The following SORCS2 variants were observed in gnomAD, a reference collection of about 807,000 sequenced individuals.
SORCS2 encodes sortilin related VPS10 domain containing receptor 2.
Under a neutral mutation model 141.6 loss-of-function variants are expected in SORCS2, and 100 were observed. The observed-to-expected ratio is 0.71, with a 90% CI of 0.60 to 0.83. SORCS2 has a LOEUF of 0.83. SORCS2 is among the 40% of genes least tolerant of loss of function. The pLI, the probability that SORCS2 is intolerant of heterozygous loss-of-function variation, is 0.00. For missense variants in SORCS2, 1,646 were observed against 1,560.2 expected (o/e 1.05, Z -0.93); for synonymous variants, 789 against 676.9 (o/e 1.17, Z -2.57).
In SORCS2 at chr4:7,588,148, G is replaced by A. The variant is rs16840543; in HGVS notation, c.649-50180G>A. Among the ~76,000 whole-genome samples the A allele has an allele frequency of 5.7e-3, 873 of 152,242 alleles. 9 individuals are homozygous for A. The highest frequency in any genetic ancestry group is 0.019 in the African/African-American group (808 of 41,532). On this transcript the variant is annotated intron_variant, in intron 3 of 26. Coordinates refer to ENST00000507866, the MANE Select transcript of SORCS2 (RefSeq NM_020777.3). ...CTGGGTCCCTCTGAATAAGCAAATGGCTTGTTAACCAGAACATCTTCTGCG... is the reference window on the plus strand; with the variant it reads ...CTGGGTCCCTCTGAATAAGCAAATGACTTGTTAACCAGAACATCTTCTGCG...
intron 14 of SORCS2, among the ~76,000 whole-genome samples, chr4:7,705,906 G>A (rs116013144): frequency 0.013 from 1,997 of 152,382 alleles, 43 homozygotes; most frequent in African/African-American, 0.045. Flanking sequence ...GGAGGCCACG[G>A]GAGGACAGCT....
intron 1 of SORCS2, among the ~76,000 whole-genome samples, chr4:7,382,525 G>A (rs568302728): frequency 1.3e-5 from 2 of 152,264 alleles, no homozygotes; most frequent in South Asian, 2.1e-4. Flanking sequence ...AGGCCTTATT[G>A]ACTCCATAGA....
intron 2 of SORCS2, among the ~76,000 whole-genome samples, chr4:7,409,462 G>A (rs1355665372): frequency 6.6e-6 from 1 of 152,226 alleles, no homozygotes; most frequent in Admixed American, 6.5e-5. Context: ...AAATTACAGA[G>A]CAGAGTTTTC....
At chr4:7,402,901 A>G (rs1479170630) in intron 2 of SORCS2, among the ~76,000 whole-genome samples, 1 of 151,508 alleles carries the variant, frequency 6.6e-6, no homozygotes, top group African/African-American at 2.4e-5. Flanking sequence ...GTCTTTTTAC[A>G]TTGGGTTGCT....
At chr4:7,725,028 G>T in intron 19 of SORCS2, 126 bp from the exon 20 acceptor site, 1 of 1,024,152 alleles carries the variant, frequency 9.8e-7, no homozygotes, top group East Asian at 2.4e-5. Context: ...TGGTGGTGGT[G>T]ATGATAGTGG....
chr4:7,724,672 G>A (rs1375025480), intron 19 of SORCS2, among the ~76,000 whole-genome samples: 10 of 143,852 alleles, frequency 7.0e-5, no homozygotes, highest in Admixed American at 2.0e-4. Context: ...GGTGATAATG[G>A]TGGTAGTGGT....
At chr4:7,264,228 G>A (rs1452885318) in intron 1 of SORCS2, among the ~76,000 whole-genome samples, 1 of 152,244 alleles carries the variant, frequency 6.6e-6, no homozygotes, top group Non-Finnish European at 1.5e-5. Flanking sequence ...AGTCATCAGA[G>A]GGCAGGTATT....
intron 2 of SORCS2, among the ~76,000 whole-genome samples, chr4:7,412,404 T>G (rs941666562): frequency 1.3e-5 from 2 of 152,190 alleles, no homozygotes; most frequent in Non-Finnish European, 2.9e-5. Context: ...TCTGACAGTG[T>G]GCAGGGGGGT....
chr4:7,650,734 A>AGCCCC (rs1491404518), intron 4 of SORCS2, among the ~76,000 whole-genome samples: 25 of 42,048 alleles, frequency 5.9e-4, no homozygotes, highest in East Asian at 3.8e-3. Context: ...CGCCCAGCCC[A>AGCCCC]GCCCAGCCCA....
intron 2 of SORCS2, among the ~76,000 whole-genome samples, chr4:7,455,758 G>A (rs1728867603): frequency 6.6e-6 from 1 of 151,568 alleles, no homozygotes; most frequent in South Asian, 2.1e-4. Context: ...CTTGGGGTCA[G>A]GCTCCGTGTT....
intron 2 of SORCS2, among the ~76,000 whole-genome samples, chr4:7,523,611 C>T (rs886869314): frequency 1.3e-5 from 2 of 152,134 alleles, no homozygotes; most frequent in African/African-American, 4.8e-5. Context: ...CCTCCCTCTG[C>T]TCAGTCCACC....
In SORCS2 at chr4:7,741,092, T is replaced by A. The variant is rs1162151438; in HGVS notation, c.*828T>A. 3.0e-5 allele frequency: 12 copies of A among 398,620 alleles called. No individual in the cohort carries two copies. Among genetic ancestry groups the A allele is most frequent in the Non-Finnish European group, 5.3e-5 (12 of 226,192 alleles). The allele number at this position is 398,620 out of a possible 1,614,324, so 24.7% of individuals were successfully genotyped here. On this transcript the variant is annotated 3_prime_UTR_variant, in exon 27 of 27. Coordinates refer to ENST00000507866, the MANE Select transcript of SORCS2 (RefSeq NM_020777.3). The stretch of plus-strand genomic sequence containing the variant: ...CATCCCGCAGGCTTCTCCCACCTGA[T>A]GGCTGTTCTCCCACCGGGTCTGGGC...
intron 5 of SORCS2, 101 bp from the exon 6 acceptor site, chr4:7,661,399 A>C (rs1722155186): frequency 7.7e-7 from 1 of 1,297,274 alleles, no homozygotes; most frequent in African/African-American, 1.5e-5. Flanking sequence ...GGGCGGCTTC[A>C]GAACCAGGGA....
intron 2 of SORCS2, among the ~76,000 whole-genome samples, chr4:7,489,346 G>C (rs186331276): frequency 2.0e-5 from 3 of 152,320 alleles, no homozygotes; most frequent in Admixed American, 1.3e-4. Flanking sequence ...TGGCTGCGTC[G>C]TCGCTGGTGC....
chr4:7,410,245 G>T (rs1351547276), intron 2 of SORCS2, among the ~76,000 whole-genome samples: 3 of 152,230 alleles, frequency 2.0e-5, no homozygotes, highest in African/African-American at 7.2e-5. Context: ...AGATAACGCT[G>T]AGAGTTCATA....
At chr4:7,704,106 G>A (rs951049259) in intron 13 of SORCS2, 71 bp from the exon 14 acceptor site, 371 of 1,438,254 alleles carry the variant, frequency 2.6e-4, no homozygotes, top group South Asian at 3.5e-4. Context: ...AGCTGGACCC[G>A]CCGGGCAGAG....
Position 7,741,681 on chromosome 4 carries a change from G to T in SORCS2, c.*1417G>T, listed in dbSNP as rs1712691184. ...GGATGGTGATGCGCTGGCTGGGGGT[G>T]AATCCCAATGAGGGTCCCTCTCAGA... On this transcript the variant is annotated 3_prime_UTR_variant, in exon 27 of 27. Transcript: ENST00000507866. 1 of 163,942 alleles carries T rather than the reference G, an allele frequency of 6.1e-6. No homozygotes were observed. The highest frequency in any genetic ancestry group is 6.5e-5 in the Admixed American group (1 of 15,450). 10.2% of individuals were successfully genotyped at this position (163,942 alleles called of 1,614,324 possible).
In SORCS2 at chr4:7,612,392, G is replaced by A. The variant is rs531100832; in HGVS notation, c.649-25936G>A. 5.9e-5 allele frequency among the ~76,000 whole-genome samples: 9 copies of A among 152,290 alleles called. No individual in the cohort carries two copies. In the South Asian group the frequency reaches 1.2e-3, roughly 21 times the overall value. On this transcript the variant is annotated intron_variant, in intron 3 of 26. Coordinates refer to ENST00000507866, the MANE Select transcript of SORCS2 (RefSeq NM_020777.3). ...TCCCAGGCACCCTGCCGTGCCCTCC[G>A]GCTGCCTGCTCCCTCGGTCCTTCTG...
intron 3 of SORCS2, among the ~76,000 whole-genome samples, chr4:7,568,014 C>T (rs190185304): frequency 2.3e-4 from 35 of 152,252 alleles, no homozygotes; most frequent in Admixed American, 4.6e-4. Context: ...TGCTTTCTGG[C>T]GCTACAAGAT....
Sources: gnomAD v4.1 joint callset for allele counts (sites outside exome capture counted in the v4.1 genomes callset) on GRCh38, gnomAD v4.1.1 for gene constraint, MANE v1.5 for transcripts, NCBI Gene and HGNC (gene_info 2026-07-23, HGNC 2026-07-21) for gene names.